Variants in SFI1 observed in about 807,000 individuals in gnomAD.
SFI1 encodes protein SFI1 homolog.
A neutral mutation model predicts 207.5 loss-of-function variants in SFI1; 195 were observed. The ratio of observed to expected loss-of-function variants is 0.94; its 90% confidence interval spans 0.84 to 1.06. The LOEUF (loss-of-function observed/expected upper bound fraction) is 1.06, where lower values mean the gene tolerates loss of function less well. Among genes scored for constraint, SFI1 ranks in the 50% least tolerant of loss-of-function variants. SFI1 has a pLI of 0.00. For missense variants in SFI1, 1,634 were observed against 1,588.0 expected (o/e 1.03, Z -0.49); for synonymous variants, 630 against 598.9 (o/e 1.05, Z -0.76).
chr22:31,542,495 G>T (rs976691374), intron 4 of SFI1, among the ~76,000 whole-genome samples: 4 of 151,948 alleles, frequency 2.6e-5, no homozygotes, highest in Admixed American at 2.0e-4. Flanking sequence ...GGGCATGGTG[G>T]TGTATGTCTG....
In SFI1 at chr22:31,550,308, G is replaced by A; in HGVS notation, c.504G>A (p.Gln168=). The A allele has an allele frequency of 6.2e-7, 1 of 1,614,106 alleles. No individual in the cohort carries two copies. Among genetic ancestry groups the A allele is most frequent in the Non-Finnish European group, 8.5e-7 (1 of 1,180,006 alleles). ...FQTWKTYVRQ[Q]QEMRNKYIRA... is the part of the protein sequence containing the mutation. ...CGTGGAAGACCTATGTGCGTCAGCA[G>A]CAGGAGATGAGGAACAAGTACATTA... The change falls in exon 6 of 33, where the codon CAG becomes CAA. Residue 168 remains glutamine (Q), a synonymous_variant. Transcript: ENST00000400288.
At chr22:31,502,127 G>A (rs540121132) in intron 1 of SFI1, among the ~76,000 whole-genome samples, 2 of 152,242 alleles carry the variant, frequency 1.3e-5, no homozygotes, top group South Asian at 4.1e-4. Flanking sequence ...TATATGTATA[G>A]CTCACATTTA....
chr22:31,556,216 T>C (rs973643967), intron 6 of SFI1, among the ~76,000 whole-genome samples: 11 of 151,722 alleles, frequency 7.3e-5, no homozygotes, highest in Non-Finnish European at 1.5e-4. Context: ...TTGAAATTTT[T>C]TTTTCTTTTC....
chr22:31,556,870 T>C (rs1434181837), intron 6 of SFI1, 72 bp from the exon 7 acceptor site: 4 of 1,025,108 alleles, frequency 3.9e-6, no homozygotes, highest in Admixed American at 2.4e-5. Flanking sequence ...GGAGAGCCCT[T>C]GAGCTTTTAT....
At position 31,616,850 on chromosome 22, in the gene SFI1, AG is replaced by A; in HGVS notation, c.3409del (p.Ala1137LeufsTer50). ...CCTTCCTGGGGACTTCTCAGCCACC[AG>A]GGCTGGGCCTGGACTTTCAACTGCA... ...LLLPGDFSAT[R>X]AGPGLSTAGS... On this transcript the variant is annotated frameshift_variant, in exon 30 of 33. Transcript: ENST00000400288. LOFTEE classifies it high-confidence loss of function. The A allele has an allele frequency of 6.2e-7, 1 of 1,612,764 alleles. No individual in the cohort carries two copies. Among genetic ancestry groups the A allele is most frequent in the Non-Finnish European group, 8.5e-7 (1 of 1,179,322 alleles).
chr22:31,553,433 G>A (rs888156406), intron 6 of SFI1, among the ~76,000 whole-genome samples: 7 of 151,588 alleles, frequency 4.6e-5, no homozygotes, highest in Middle Eastern at 3.4e-3. Context: ...TCGGCTCACT[G>A]CAACCTCGAC....
intron 9 of SFI1, among the ~76,000 whole-genome samples, chr22:31,573,472 T>C (rs1191553210): frequency 6.6e-6 from 1 of 151,170 alleles, no homozygotes; most frequent in African/African-American, 2.4e-5. Flanking sequence ...AGTTTCGCTC[T>C]TGTCACCCAG....
At chr22:31,520,514 G>T (rs2147059732) in intron 2 of SFI1, among the ~76,000 whole-genome samples, 1 of 152,132 alleles carries the variant, frequency 6.6e-6, no homozygotes, top group Non-Finnish European at 1.5e-5. Flanking sequence ...TTTCAAGTGT[G>T]CAATTCAATG....
chr22:31,526,365 G>A (rs747976896), intron 2 of SFI1, among the ~76,000 whole-genome samples: 5 of 152,166 alleles, frequency 3.3e-5, no homozygotes, highest in Non-Finnish European at 5.9e-5. Flanking sequence ...AGAAAGTGCA[G>A]GGTGAAGTGG....
At chr22:31,581,284 ATACTT>A (rs1181208144) in intron 12 of SFI1, among the ~76,000 whole-genome samples, 1 of 101,670 alleles carries the variant, frequency 9.8e-6, no homozygotes, top group Non-Finnish European at 2.2e-5. Context: ...TGGCCCAAAT[ATACTT>A]TTTTTTTTTT....
At chr22:31,580,006 G>A (rs867039983) in intron 11 of SFI1, 125 of 311,588 alleles carry the variant, frequency 4.0e-4, no homozygotes, top group African/African-American at 2.6e-3. Flanking sequence ...TCCTGGTGTG[G>A]GTGTGTTTGT....
chr22:31,503,636 G>A (rs2054168162), intron 1 of SFI1, among the ~76,000 whole-genome samples: 1 of 141,948 alleles, frequency 7.0e-6, no homozygotes, highest in African/African-American at 2.6e-5. Flanking sequence ...TGCCCAGGCT[G>A]GAGTACAGTG....
rs1273477124 is a variant in SFI1 at position 31,510,983 on chromosome 22, C to T, written c.92+2607C>T. Among the ~76,000 whole-genome samples, 16 of 151,986 alleles carry T rather than the reference C, an allele frequency of 1.1e-4. No individual in the cohort carries two copies. The East Asian group carries it at 2.9e-3, about 28-fold the overall frequency. On this transcript the variant is annotated intron_variant, in intron 2 of 32. Transcript: ENST00000400288. ...AATGAGGGACCCTTATGGTTACGCT[C>T]TTTTTTTTCTTAAACTAATTTGAAT...
chr22:31,509,597 T>G (rs1302485770), intron 2 of SFI1, among the ~76,000 whole-genome samples: 2 of 152,196 alleles, frequency 1.3e-5, no homozygotes, highest in Admixed American at 1.3e-4. Context: ...TGGGTGGGTC[T>G]TCCTCTCCTA....
intron 12 of SFI1, among the ~76,000 whole-genome samples, chr22:31,582,116 ATT>A (rs2064255066): frequency 7.0e-6 from 1 of 142,498 alleles, no homozygotes; most frequent in Non-Finnish European, 1.5e-5. Context: ...TTTCTGATTG[ATT>A]TTTAGCAGAA....
chr22:31,599,887 T>A (rs538508247), intron 15 of SFI1, among the ~76,000 whole-genome samples: 5 of 152,000 alleles, frequency 3.3e-5, no homozygotes, highest in African/African-American at 7.2e-5. Context: ...GTTATTTTTT[T>A]TTTTTTTAAG....
intron 24 of SFI1, 75 bp from the exon 25 acceptor site, chr22:31,613,067 C>A: frequency 2.0e-6 from 3 of 1,509,510 alleles, no homozygotes; most frequent in Non-Finnish European, 1.8e-6. Context: ...GAGGGACGAG[C>A]TGGGCAGGGC....
chr22:31,601,268 C>T (rs2068059411), intron 15 of SFI1, among the ~76,000 whole-genome samples: 1 of 151,602 alleles, frequency 6.6e-6, no homozygotes, highest in Admixed American at 6.6e-5. Flanking sequence ...GGACTACAGG[C>T]GCCCACCACC....
At chr22:31,582,008 A>C (rs1451571409) in intron 12 of SFI1, among the ~76,000 whole-genome samples, 5 of 151,418 alleles carry the variant, frequency 3.3e-5, no homozygotes, top group African/African-American at 1.2e-4. Flanking sequence ...ATATCTAGTC[A>C]ACATTCAAAT....
Sources: gnomAD v4.1 joint callset for allele counts (sites outside exome capture counted in the v4.1 genomes callset) on GRCh38, gnomAD v4.1.1 for gene constraint, MANE v1.5 for transcripts, NCBI Gene and HGNC (gene_info 2026-07-23, HGNC 2026-07-21) for gene names.